The following KCNB2 variants were observed in gnomAD, a reference collection of about 807,000 sequenced individuals.
KCNB2 encodes potassium voltage-gated channel subfamily B member 2, also known as delayed rectifier potassium channel protein.
In KCNB2, 15 loss-of-function variants were observed where a neutral mutation model predicts 61.5. That is an observed-to-expected ratio of 0.24 (90% CI 0.16 to 0.38). The LOEUF is 0.38. Ranked by LOEUF, KCNB2 falls within the 10% of genes least tolerant of loss-of-function variation. The pLI is 1.00. For missense variants in KCNB2, 828 were observed against 1,125.2 expected, an observed-to-expected ratio of 0.74 and a Z score of 3.78; for synonymous variants, 457 against 446.0, an observed-to-expected ratio of 1.02 and a Z score of -0.31.
At chr8:72,864,772 G>A (rs1805485689) in intron 2 of KCNB2, among the ~76,000 whole-genome samples, 1 of 152,202 alleles carries the variant, frequency 6.6e-6, no homozygotes, top group Non-Finnish European at 1.5e-5. Context: ...TGCACGGCTT[G>A]ATTAGCCATC....
intron 2 of KCNB2, chr8:72,749,218 A>G (rs1286551069): frequency 6.6e-6 from 1 of 152,194 alleles, no homozygotes; most frequent in East Asian, 1.9e-4. Flanking sequence ...TCCTGGGCTC[A>G]GTTGATCCTC....
intron 2 of KCNB2, among the ~76,000 whole-genome samples, chr8:72,856,244 A>G (rs1004337487): frequency 1.3e-5 from 2 of 152,170 alleles, no homozygotes; most frequent in Non-Finnish European, 2.9e-5. Flanking sequence ...TCATTTCAAC[A>G]TATAATCAAT....
intron 2 of KCNB2, among the ~76,000 whole-genome samples, chr8:72,638,701 G>C (rs926798826): frequency 6.6e-6 from 1 of 152,078 alleles, no homozygotes; most frequent in Non-Finnish European, 1.5e-5. Context: ...CTCTTTTGTA[G>C]CTGGAAAAAA....
intron 2 of KCNB2, among the ~76,000 whole-genome samples, chr8:72,593,045 G>T (rs971964040): frequency 7.2e-5 from 11 of 152,136 alleles, no homozygotes; most frequent in Admixed American, 6.5e-4. Flanking sequence ...CTTTTATAAA[G>T]TTGTCCTAAG....
At position 72,938,129 on chromosome 8, in the gene KCNB2, A is replaced by G. The variant is rs1489805660; in HGVS notation, c.*38A>G. ...GCAATAAATTGAAACAAAACAAAAC[A>G]AAACAAAACTTGTTTCTTAAAAATG... On this transcript the variant is annotated 3_prime_UTR_variant, in exon 3 of 3. Transcript: ENST00000523207. The G allele has an allele frequency of 1.3e-6, 2 of 1,488,350 alleles. No individual in the cohort carries two copies. Among genetic ancestry groups the G allele is most frequent in the African/African-American group, 1.4e-5 (1 of 71,006 alleles). 92.2% of individuals were successfully genotyped at this position (1,488,350 alleles called of 1,614,324 possible).
At chr8:72,609,418 A>C (rs1261675983) in intron 2 of KCNB2, among the ~76,000 whole-genome samples, 1 of 152,240 alleles carries the variant, frequency 6.6e-6, no homozygotes, top group Non-Finnish European at 1.5e-5. Context: ...GTTCCGTTAG[A>C]AGTGAGTTAC....
chr8:72,638,119 CT>C (rs1455890190), intron 2 of KCNB2, among the ~76,000 whole-genome samples: 4 of 152,082 alleles, frequency 2.6e-5, no homozygotes, highest in African/African-American at 9.7e-5. Context: ...TATTCATTCA[CT>C]GTTAGAATTA....
chr8:72,872,888 T>G (rs930909705), intron 2 of KCNB2, among the ~76,000 whole-genome samples: 2 of 152,238 alleles, frequency 1.3e-5, no homozygotes, highest in Non-Finnish European at 2.9e-5. Flanking sequence ...CCTACTATCC[T>G]GAATCTCCTC....
intron 2 of KCNB2, among the ~76,000 whole-genome samples, chr8:72,608,349 A>G (rs1286552673): frequency 6.6e-6 from 1 of 152,168 alleles, no homozygotes; most frequent in Non-Finnish European, 1.5e-5. Context: ...TGCTGTGGGC[A>G]GGCAATGGAG....
intron 2 of KCNB2, among the ~76,000 whole-genome samples, chr8:72,933,474 C>T (rs796925913): frequency 1.3e-5 from 2 of 152,254 alleles, no homozygotes; most frequent in African/African-American, 2.4e-5. Context: ...AACAAATGAA[C>T]AGATTAGATA....
chr8:72,717,507 C>T (rs527840696), intron 2 of KCNB2, among the ~76,000 whole-genome samples: 21 of 152,212 alleles, frequency 1.4e-4, no homozygotes, highest in South Asian at 1.0e-3. Flanking sequence ...AAAATAATGC[C>T]GCAAATCTAC....
intron 2 of KCNB2, among the ~76,000 whole-genome samples, chr8:72,672,126 G>A (rs1476028229): frequency 6.6e-6 from 1 of 152,162 alleles, no homozygotes; most frequent in Non-Finnish European, 1.5e-5. Context: ...TCATTCAAAT[G>A]TAGTGGTTTC....
chr8:72,621,641 A>T (rs140982416), intron 2 of KCNB2, among the ~76,000 whole-genome samples: 2 of 152,322 alleles, frequency 1.3e-5, no homozygotes, highest in Admixed American at 1.3e-4. Context: ...TAATCACATC[A>T]TGGAGAATGG....
At chr8:72,825,448 T>C (rs1473112865) in intron 2 of KCNB2, among the ~76,000 whole-genome samples, 1 of 152,238 alleles carries the variant, frequency 6.6e-6, no homozygotes, top group Non-Finnish European at 1.5e-5. Flanking sequence ...TAGTTCTATG[T>C]TTGATTATTT....
chr8:72,742,321 G>T (rs115446775), intron 2 of KCNB2, among the ~76,000 whole-genome samples: 1 of 152,116 alleles, frequency 6.6e-6, no homozygotes, highest in Non-Finnish European at 1.5e-5. Context: ...GTAAAAATTC[G>T]TGTAGTCTTT....
chr8:72,564,676 G>T (rs349351), intron 1 of KCNB2, among the ~76,000 whole-genome samples: 1 of 152,120 alleles, frequency 6.6e-6, no homozygotes, highest in Non-Finnish European at 1.5e-5. Flanking sequence ...ATAAAGTTAG[G>T]ACATGAACAT....
Position 72,854,375 on chromosome 8 carries a change from C to T in KCNB2, c.580-81560C>T, listed in dbSNP as rs1180603554. Among the ~76,000 whole-genome samples, 5 of 152,216 alleles carry T rather than the reference C, an allele frequency of 3.3e-5. No individual in the cohort carries two copies. In the South Asian group the frequency reaches 8.3e-4, roughly 25 times the overall value. ...TATTTAAAATTTAGCTTTTGATGTT[C>T]GTTTTTATCCTAGGGACTGTCATGT... On this transcript the variant is annotated intron_variant, in intron 2 of 2. Transcript: ENST00000523207.
At chr8:72,628,477 T>C (rs1805829904) in intron 2 of KCNB2, among the ~76,000 whole-genome samples, 1 of 151,492 alleles carries the variant, frequency 6.6e-6, no homozygotes, top group Non-Finnish European at 1.5e-5. Flanking sequence ...TGATAATTAT[T>C]TGAAGTACTT....
intron 2 of KCNB2, among the ~76,000 whole-genome samples, chr8:72,785,605 A>G (rs1808833793): frequency 6.6e-6 from 1 of 152,166 alleles, no homozygotes; most frequent in African/African-American, 2.4e-5. Flanking sequence ...CCATTTAATC[A>G]GGGATTTTTT....
Sources: allele counts gnomAD v4.1 joint callset (sites outside exome capture counted in the v4.1 genomes callset), GRCh38; gene constraint gnomAD v4.1.1; transcripts MANE v1.5; gene names NCBI Gene and HGNC (gene_info 2026-07-23, HGNC 2026-07-21).